SH3KBP1: variants seen among roughly 807,000 people sequenced by gnomAD.
SH3KBP1 encodes the protein SH3 domain-containing kinase-binding protein 1.
SH3KBP1 carries 8 observed loss-of-function variants against 50.1 expected under a neutral mutation model. The ratio of observed to expected loss-of-function variants is 0.16; its 90% CI spans 0.09 to 0.29. The LOEUF is 0.29. Ranked by LOEUF, SH3KBP1 falls within the 10% of genes least tolerant of loss-of-function variation. The pLI is 1.00. For missense variants in SH3KBP1, 377 were observed against 535.2 expected, an observed-to-expected ratio of 0.70 and a Z score of 2.92; for synonymous variants, 227 against 218.6, an observed-to-expected ratio of 1.04 and a Z score of -0.34.
chrX:19,819,798 C>T (rs948451674), intron 2 of SH3KBP1, among the ~76,000 whole-genome samples: 1 of 111,273 alleles, frequency 9.0e-6, no homozygotes, highest in African/African-American at 3.3e-5. Flanking sequence ...TGAGGTAGGA[C>T]CTTAGATTAT....
chrX:19,657,388 A>T (rs1192790687), intron 6 of SH3KBP1, among the ~76,000 whole-genome samples: 2 of 106,042 alleles, frequency 1.9e-5, no homozygotes, highest in Non-Finnish European at 3.9e-5. Flanking sequence ...TCGAAAAAAA[A>T]AAAAAAAAGA....
At chrX:19,654,410 G>A (rs975997246) in intron 6 of SH3KBP1, among the ~76,000 whole-genome samples, 1 of 111,628 alleles carries the variant, frequency 9.0e-6, no homozygotes, top group African/African-American at 3.3e-5. Context: ...TAAATGAAGT[G>A]GAGAAGGTAC....
chrX:19,608,310 T>C (rs985357002), intron 8 of SH3KBP1, among the ~76,000 whole-genome samples: 91 of 100,620 alleles, frequency 9.0e-4, no homozygotes, highest in Middle Eastern at 5.0e-3. Context: ...TTCTTTCTTT[T>C]TTTTTTTTTT....
rs189248821 is a variant in SH3KBP1 at position 19,752,282 on chromosome X, C to T, written c.163-5841G>A. Among the ~76,000 whole-genome samples the T allele has an allele frequency of 4.5e-5, 5 of 111,971 alleles. No homozygotes were observed. The East Asian group carries it at 1.4e-3, about 31-fold the overall frequency. ...GCAACACTTAAAGTCTCTATGCAGCCCTTCTGTCATCTGTAAAAGAGGTCT... is the reference window on the plus strand; with the variant it reads ...GCAACACTTAAAGTCTCTATGCAGCTCTTCTGTCATCTGTAAAAGAGGTCT... On this transcript the variant is annotated intron_variant, in intron 2 of 17. Transcript: ENST00000397821.
chrX:19,543,403 C>G (rs1010506362), intron 15 of SH3KBP1, among the ~76,000 whole-genome samples: 1 of 111,485 alleles, frequency 9.0e-6, no homozygotes, highest in Non-Finnish European at 1.9e-5. Context: ...GGGGATGAAG[C>G]AGAAGACAGG....
chrX:19,662,145 G>A (rs1417689058), intron 6 of SH3KBP1, among the ~76,000 whole-genome samples: 2 of 111,081 alleles, frequency 1.8e-5, no homozygotes, highest in African/African-American at 3.3e-5. Flanking sequence ...GAGTCATGAC[G>A]GTAATTCGAA....
intron 4 of SH3KBP1, among the ~76,000 whole-genome samples, chrX:19,703,383 T>C (rs773244944): frequency 9.1e-6 from 1 of 109,778 alleles, no homozygotes; most frequent in South Asian, 3.9e-4. Flanking sequence ...GATAAGGGGT[T>C]GGAGGCGGGT....
chrX:19,875,271 A>G (rs1225262339), intron 1 of SH3KBP1, among the ~76,000 whole-genome samples: 1 of 111,587 alleles, frequency 9.0e-6, no homozygotes, highest in African/African-American at 3.3e-5. Context: ...GCTTAGTCAC[A>G]CAGTTCAGGA....
At chrX:19,589,729 G>A (rs2066682814) in intron 11 of SH3KBP1, among the ~76,000 whole-genome samples, 1 of 110,021 alleles carries the variant, frequency 9.1e-6, no homozygotes, top group African/African-American at 3.3e-5. Flanking sequence ...GGCTCCCTAT[G>A]CTTACTTGTA....
chrX:19,712,343 G>A (rs766124787), intron 3 of SH3KBP1, among the ~76,000 whole-genome samples: 9 of 111,666 alleles, frequency 8.1e-5, no homozygotes, highest in Non-Finnish European at 1.5e-4. Context: ...GGGACAATAC[G>A]GTATGTACTG....
In SH3KBP1 at chrX:19,535,181, G is replaced by A; in HGVS notation, c.*1236C>T. 1 of 269,357 alleles carries A rather than the reference G, an allele frequency of 3.7e-6. No homozygotes were observed. Among genetic ancestry groups the A allele is most frequent in the Middle Eastern group, 1.0e-3 (1 of 990 alleles). 22.2% of individuals were successfully genotyped at this position (269,357 alleles called of 1,213,427 possible). The stretch of plus-strand genomic sequence containing the variant: ...GGCTGAACTGTTCATGTACTACAAA[G>A]ATAAAGCGGACAGGCAAACATCAGT... On this transcript the variant is annotated 3_prime_UTR_variant, in exon 18 of 18. Transcript: ENST00000397821.
At chrX:19,694,363 C>T (rs1179422441) in intron 5 of SH3KBP1, among the ~76,000 whole-genome samples, 1 of 111,318 alleles carries the variant, frequency 9.0e-6, no homozygotes, top group Non-Finnish European at 1.9e-5. Context: ...AGATCAAGGA[C>T]ACCTTCTCCC....
intron 2 of SH3KBP1, among the ~76,000 whole-genome samples, chrX:19,793,952 A>G (rs186999664): frequency 2.7e-5 from 3 of 110,925 alleles, no homozygotes; most frequent in South Asian, 3.8e-4. Context: ...TCATCTGTCT[A>G]TCCAAACCAG....
At chrX:19,753,550 C>T (rs148452039) in intron 2 of SH3KBP1, among the ~76,000 whole-genome samples, 1,109 of 110,896 alleles carry the variant, frequency 0.01, 16 homozygotes, top group African/African-American at 0.034. Context: ...AGTATGTTCC[C>T]TTCGTGCAGA....
chrX:19,598,528 C>T (rs762289794), intron 9 of SH3KBP1, among the ~76,000 whole-genome samples: 27 of 112,003 alleles, frequency 2.4e-4, no homozygotes, highest in Non-Finnish European at 7.5e-5. Context: ...CCTGTCTCAG[C>T]TTTCAACATG....
chrX:19,592,302 G>T lies in SH3KBP1; in HGVS notation c.1058-155C>A, dbSNP rs1383746349. Among the ~76,000 whole-genome samples the T allele has an allele frequency of 5.4e-5, 6 of 111,322 alleles. No homozygotes were observed. The Admixed American group carries it at 5.7e-4, about 11-fold the overall frequency. ...TTATCTGGCAAGCACGAGCTGTTTA[G>T]AAACAGAGCAGAAGACATTTCTGGC... On this transcript the variant is annotated intron_variant, in intron 10 of 17. Transcript: ENST00000397821.
At chrX:19,546,684 A>G (rs1216207596) in intron 14 of SH3KBP1, among the ~76,000 whole-genome samples, 2 of 112,249 alleles carry the variant, frequency 1.8e-5, no homozygotes, top group South Asian at 3.7e-4. Flanking sequence ...CAACAAGCTC[A>G]TATCTCCTTT....
intron 2 of SH3KBP1, among the ~76,000 whole-genome samples, chrX:19,834,561 G>A (rs1300340290): frequency 1.8e-5 from 2 of 112,084 alleles, no homozygotes; most frequent in Non-Finnish European, 3.8e-5. Context: ...ACAATTCAAA[G>A]TACTACTTAC....
At chrX:19,883,014 T>C (rs61023596) in intron 1 of SH3KBP1, among the ~76,000 whole-genome samples, 1,273 of 112,437 alleles carry the variant, frequency 0.011, 19 homozygotes, top group African/African-American at 0.039. Context: ...ATAAGACTTA[T>C]AATAGTCTTA....
Sources: allele counts gnomAD v4.1 joint callset (sites outside exome capture counted in the v4.1 genomes callset), GRCh38; gene constraint gnomAD v4.1.1; transcripts MANE v1.5; gene names NCBI Gene and HGNC (gene_info 2026-07-23, HGNC 2026-07-21).